TNIP2: variants seen among roughly 807,000 people sequenced by gnomAD.
TNIP2 encodes the protein TNFAIP3 interacting protein 2, also known as TNFAIP3-interacting protein 2.
A neutral mutation model predicts 43.7 loss-of-function variants in TNIP2; 30 were observed. The ratio of observed to expected loss-of-function variants is 0.69; its 90% CI spans 0.51 to 0.93. TNIP2 has a LOEUF of 0.93. Among genes scored for constraint, TNIP2 ranks in the 40% least tolerant of loss-of-function variants. TNIP2 has a pLI of 0.00. For missense variants in TNIP2, 599 were observed against 591.0 expected, an observed-to-expected ratio of 1.01 and a Z score of -0.14; for synonymous variants, 260 against 254.6, an observed-to-expected ratio of 1.02 and a Z score of -0.20.
intron 1 of TNIP2, among the ~76,000 whole-genome samples, chr4:2,748,346 A>ATTTT (rs773903484): frequency 6.9e-6 from 1 of 145,534 alleles, no homozygotes; most frequent in Non-Finnish European, 1.5e-5. Flanking sequence ...AGCTAAAAGA[A>ATTTT]TTTTTTTTTT....
At chr4:2,745,378 G>C (rs1560643902) in intron 3 of TNIP2, 68 bp downstream of exon 3, 5 of 1,240,740 alleles carry the variant, frequency 4.0e-6, no homozygotes, top group Non-Finnish European at 3.5e-6. Context: ...CATCAGCCAA[G>C]GAAAGAACCC....
rs1463605303 is a variant in TNIP2, at chr4:2,742,461, C to G, written c.1086G>C (p.Leu362Phe). 2 of 1,609,934 alleles carry G rather than the reference C, an allele frequency of 1.2e-6. No individual in the cohort carries two copies. Among genetic ancestry groups the G allele is most frequent in the Non-Finnish European group, 1.7e-6 (2 of 1,177,652 alleles). Residue 362 changes from leucine to phenylalanine, a missense_variant, in exon 6 of 6, where the codon TTG (leucine) becomes TTC (phenylalanine). Physicochemically the swap from Leu to Phe is conservative, Grantham distance 22. Transcript: ENST00000315423. ...CCATAAGCTCTAATGCGTCGGCGGC[C>G]AAATACTTGGCAGTTTTGCTCCCAG... ...IHAGSKTAKY[L>F]AADALELMVP...
At position 2,756,334 on chromosome 4, in the gene TNIP2, C is replaced by A. The variant is rs1454040607; in HGVS notation, c.-45G>T. ...AGGCCGCGCGGCCGCCGGCAACTTC[C>A]GCGCCCGGGCCCCGCCGGCTGCCGC... On this transcript the variant is annotated 5_prime_UTR_variant, in exon 1 of 6. Coordinates refer to ENST00000315423, the MANE Select transcript of TNIP2 (RefSeq NM_024309.4). 7 of 1,142,842 alleles carry A rather than the reference C, an allele frequency of 6.1e-6. No homozygotes were observed. Among genetic ancestry groups the A allele is most frequent in the African/African-American group, 1.6e-5 (1 of 61,298 alleles). 70.8% of individuals were successfully genotyped at this position (1,142,842 alleles called of 1,614,324 possible). A position where few individuals can be genotyped will look rare whatever the true frequency, so the allele number is the denominator to read the frequency against.
intron 1 of TNIP2, among the ~76,000 whole-genome samples, chr4:2,752,528 G>A (rs558655020): frequency 1.3e-5 from 2 of 152,272 alleles, no homozygotes; most frequent in African/African-American, 2.4e-5. Flanking sequence ...CTCTCTCTGG[G>A]AGCCCTCAGT....
chr4:2,743,318 T>G (rs1014572852), intron 5 of TNIP2, among the ~76,000 whole-genome samples: 5 of 152,132 alleles, frequency 3.3e-5, no homozygotes, highest in Non-Finnish European at 5.9e-5. Context: ...GGGGTAAGAA[T>G]CTGGGCCTGC....
At position 2,747,787 on chromosome 4, in the gene TNIP2, G is replaced by A. The variant is rs1162414110; in HGVS notation, c.435C>T (p.Arg145=). The part of the protein sequence containing the change: ...RARAASDVLC[R]SLANETHQLR... The stretch of plus-strand genomic sequence containing the variant: ...GCTGATGGGTCTCGTTGGCCAAGGA[G>A]CGGCACAGGACGTCACTGGCGGCCC... Residue 145 remains arginine (R), a synonymous_variant, in exon 2 of 6, where the codon CGC becomes CGT. Transcript: ENST00000315423. The A allele has an allele frequency of 3.1e-6, 5 of 1,612,424 alleles. No individual in the cohort carries two copies. The highest frequency in any genetic ancestry group is 4.2e-6 in the Non-Finnish European group (5 of 1,180,036).
chr4:2,742,470 G>A lies in TNIP2; in HGVS notation c.1077C>T (p.Ala359=). 6.2e-7 allele frequency: 1 copy of A among 1,609,110 alleles called. No individual in the cohort carries two copies. Among genetic ancestry groups the A allele is most frequent in the Non-Finnish European group, 8.5e-7 (1 of 1,177,050 alleles). ...CTAATGCGTCGGCGGCCAAATACTT[G>A]GCAGTTTTGCTCCCAGCGTGAATCC... The part of the protein sequence containing the change: ...AGRIHAGSKT[A]KYLAADALEL... The change falls in exon 6 of 6, where the codon GCC becomes GCT. Residue 359 remains alanine, a synonymous_variant. Transcript: ENST00000315423.
Position 2,744,194 on chromosome 4 carries a change from A to ATT in TNIP2, c.1026+192_1026+193insAA, listed in dbSNP as rs1560642782. 6.6e-6 allele frequency among the ~76,000 whole-genome samples: 1 copy of ATT among 152,140 alleles called. No homozygotes were observed. The highest frequency in any genetic ancestry group is 1.5e-5 in the Non-Finnish European group (1 of 68,014). On this transcript the variant is annotated intron_variant, in intron 5 of 5. Transcript: ENST00000315423. This position sits in a 1 kb window ranked among gnomAD's most constrained non-coding sequence, Gnocchi z 5.1. ...CCAGCCTCCTCCATAACTAAACAGT[A>ATT]TAACAGGGAGGCTTTCCATGACCAC...
At position 2,745,503 on chromosome 4, in the gene TNIP2, CTG is replaced by C. The variant is rs1721923437; in HGVS notation, c.598_599del (p.Gln200GlufsTer4). On this transcript the variant is annotated frameshift_variant, in exon 3 of 6. Transcript: ENST00000315423. LOFTEE classifies it high-confidence loss of function. Reference protein sequence around the residue: ...SEHTDGHTSVQSVIEKLQEEN... With the variant: ...SEHTDGHTSVXSVIEKLQEEN... ...CTTCCTGCAACTTCTCAATAACACT[CTG>C]GACAGAGGTGTGCCCATCTGTGTGT... 1 of 1,614,084 alleles carries C rather than the reference CTG, an allele frequency of 6.2e-7. No homozygotes were observed.
Position 2,749,327 on chromosome 4 carries a change from A to G in TNIP2, c.277-1382T>C, listed in dbSNP as rs969192394. On this transcript the variant is annotated intron_variant, in intron 1 of 5. Coordinates refer to ENST00000315423, the MANE Select transcript of TNIP2 (RefSeq NM_024309.4). Reference sequence around the variant, plus strand: ...GCACTTTTTTGATGGGATAGGTAGAAACTCCACTGTGGTGGGTAACCCCAA... The same window carrying G: ...GCACTTTTTTGATGGGATAGGTAGAGACTCCACTGTGGTGGGTAACCCCAA... 3.3e-5 allele frequency among the ~76,000 whole-genome samples: 5 copies of G among 152,322 alleles called. No homozygotes were observed. The East Asian group carries it at 7.7e-4, about 23-fold the overall frequency.
intron 1 of TNIP2, among the ~76,000 whole-genome samples, chr4:2,749,207 G>GCAA (rs1343046358): frequency 6.6e-6 from 1 of 151,996 alleles, no homozygotes; most frequent in East Asian, 1.9e-4. Flanking sequence ...CTAGGCTCAA[G>GCAA]CAAATCCTCC....
rs779243296 is a variant in TNIP2, at chr4:2,744,737, C to G, written c.866G>C (p.Arg289Pro). Residue 289 changes from arginine (R) to proline (P), a missense_variant, in exon 4 of 6, where the codon CGG (arginine) becomes CCG (proline). By Grantham distance (103) the Arg-to-Pro change is moderately radical. Coordinates refer to ENST00000315423, the MANE Select transcript of TNIP2 (RefSeq NM_024309.4). This position sits in a 1 kb window ranked among gnomAD's most constrained non-coding sequence, Gnocchi z 5.1. ...KQELAASRTARDAALERVQML... is the reference protein window; with the variant it reads ...KQELAASRTAPDAALERVQML... ...CTGCACCCGCTCCAACGCAGCATCCCGGGCCGTCCTGGAGGCCGCCAGCTC... is the reference window on the plus strand; with the variant it reads ...CTGCACCCGCTCCAACGCAGCATCCGGGGCCGTCCTGGAGGCCGCCAGCTC... 6.2e-7 allele frequency: 1 copy of G among 1,606,894 alleles called. No individual in the cohort carries two copies. The highest frequency in any genetic ancestry group is 1.1e-5 in the South Asian group (1 of 91,086).
intron 1 of TNIP2, among the ~76,000 whole-genome samples, chr4:2,752,843 A>C (rs1041679149): frequency 6.6e-6 from 1 of 152,178 alleles, no homozygotes; most frequent in Non-Finnish European, 1.5e-5. Context: ...CAGGAGTTTG[A>C]GACCAGCTTG....
intron 1 of TNIP2, among the ~76,000 whole-genome samples, chr4:2,750,558 C>G (rs1301249049): frequency 6.6e-6 from 1 of 152,058 alleles, no homozygotes; most frequent in Non-Finnish European, 1.5e-5. Flanking sequence ...TCCCAAATAG[C>G]TGGGACCATG....
In TNIP2 at chr4:2,744,865, CCT is replaced by C. The variant is rs1433785539; in HGVS notation, c.736_737del (p.Arg246GlyfsTer28). On this transcript the variant is annotated frameshift_variant, in exon 4 of 6. Coordinates refer to ENST00000315423, the MANE Select transcript of TNIP2 (RefSeq NM_024309.4). LOFTEE classifies it high-confidence loss of function. The surrounding 1 kb of genome is among the most constrained non-coding windows in gnomAD (Gnocchi z 5.1). ...CGGGCTCGTGGGGGATCTGCAGCCC[CCT>C]GAGCTGCGCATGGAGCCCCCTCACG... ...EYVRGLHAQL[R>X]GLQIPHEPEL... 2 of 1,613,902 alleles carry C rather than the reference CCT, an allele frequency of 1.2e-6. No individual in the cohort carries two copies. The highest frequency in any genetic ancestry group is 1.7e-6 in the Non-Finnish European group (2 of 1,180,040).
chr4:2,746,359 T>A (rs1236749845), intron 2 of TNIP2, among the ~76,000 whole-genome samples: 3 of 152,178 alleles, frequency 2.0e-5, no homozygotes, highest in Non-Finnish European at 4.4e-5. Flanking sequence ...ATTTAGAGAC[T>A]GTGATGAGGG....
At chr4:2,754,301 A>T (rs141888379) in intron 1 of TNIP2, among the ~76,000 whole-genome samples, 2 of 152,398 alleles carry the variant, frequency 1.3e-5, no homozygotes, top group East Asian at 3.9e-4. Flanking sequence ...GCTTGCAAAT[A>T]CTATTGCACA....
rs558741886 is a variant in TNIP2 at position 2,745,829 on chromosome 4, T to G, written c.568-294A>C. ...TTTGAGCTGTTTGTCTTTTAAATAT[T>G]TGGAATGTAAATATTCTAAAGCCAT... On this transcript the variant is annotated intron_variant, in intron 2 of 5. Coordinates refer to ENST00000315423, the MANE Select transcript of TNIP2 (RefSeq NM_024309.4). Among the ~76,000 whole-genome samples, 3 of 152,380 alleles carry G rather than the reference T, an allele frequency of 2.0e-5. No individual in the cohort carries two copies. The East Asian group carries it at 5.8e-4, about 29-fold the overall frequency.
chr4:2,742,712 C>A lies in TNIP2; in HGVS notation c.1027-192G>T, dbSNP rs540345334. On this transcript the variant is annotated intron_variant, in intron 5 of 5. Transcript: ENST00000315423. Reference sequence around the variant, plus strand: ...ATGACTGAGGATCACACACACGCTCCGTCATGTGCTCATGAAGAAGTAGGC... The same window carrying A: ...ATGACTGAGGATCACACACACGCTCAGTCATGTGCTCATGAAGAAGTAGGC... Among the ~76,000 whole-genome samples, 72 of 152,316 alleles carry A rather than the reference C, an allele frequency of 4.7e-4. No individual in the cohort carries two copies. The South Asian group carries it at 0.011, about 24-fold the overall frequency.
Sources: allele counts gnomAD v4.1 joint callset (sites outside exome capture counted in the v4.1 genomes callset), GRCh38; gene constraint gnomAD v4.1.1; non-coding constraint Gnocchi (gnomAD v3.1); transcripts MANE v1.5; gene names NCBI Gene and HGNC (gene_info 2026-07-23, HGNC 2026-07-21).